Variants in SESN3 observed in about 807,000 individuals in gnomAD.
SESN3 encodes the protein sestrin-3.
In SESN3, 21 loss-of-function variants were observed where a neutral mutation model predicts 55.3. The ratio of observed to expected loss-of-function variants is 0.38; its 90% CI spans 0.27 to 0.55. The LOEUF is 0.55. Among genes scored for constraint, SESN3 ranks in the 20% least tolerant of loss-of-function variants. The pLI is 0.76. For synonymous variants in SESN3, 181 were observed against 203.1 expected (o/e 0.89, Z 0.93); for missense variants, 408 against 604.3 (o/e 0.68, Z 3.41).
At position 95,193,521 on chromosome 11, in the gene SESN3, T is replaced by C. The variant is rs1216869305; in HGVS notation, c.80A>G (p.Asp27Gly). 6 of 1,576,518 alleles carry C rather than the reference T, an allele frequency of 3.8e-6. No homozygotes were observed. The highest frequency in any genetic ancestry group is 5.2e-6 in the Non-Finnish European group (6 of 1,149,670). Reference sequence around the variant, plus strand: ...GGGTTGAGACACTCTGATTCTTTTATCCTATTTTTAAAAGAAAAGTTTTAT... The same window carrying C: ...GGGTTGAGACACTCTGATTCTTTTACCCTATTTTTAAAAGAAAAGTTTTAT... ...CTNCRKVLRK[D>G]KRIRVSQPLT... The change falls in exon 2 of 10, where the codon GAT (aspartate) becomes GGT (glycine). Residue 27 changes from aspartate to glycine, a missense_variant and splice_region_variant. Physicochemically the swap from Asp to Gly is moderately conservative, Grantham distance 94. This residue lies in a region of SESN3 where 61 missense variants were observed against 48.3 expected (regional missense o/e 1.26). Transcript: ENST00000536441.
chr11:95,184,639 T>G (rs747538431), intron 5 of SESN3, 45 bp from the exon 6 acceptor site: 10 of 1,554,096 alleles, frequency 6.4e-6, no homozygotes, highest in African/African-American at 2.7e-5. Flanking sequence ...ATACTAAAAG[T>G]GTTCCAGTAA....
chr11:95,178,808 T>C lies in SESN3; in HGVS notation c.958A>G (p.Ile320Val), dbSNP rs1192658140. Residue 320 changes from isoleucine (I) to valine (V), a missense_variant, in exon 7 of 10, where the codon ATA becomes GTA. Around this residue, in one of 4 missense-constraint regions of SESN3, gnomAD observed 119 missense variants for 139.9 expected, o/e 0.85. Coordinates refer to ENST00000536441, the MANE Select transcript of SESN3 (RefSeq NM_144665.4). ...PHSDFEDDMI[I>V]TSDVSRYIED... ...ATATATCGAGAGACATCAGATGTTA[T>C]AATCATGTCATCCTCAAAATCTAAG... is the stretch of plus-strand genomic sequence containing the variant. 34 of 1,602,884 alleles carry C rather than the reference T, an allele frequency of 2.1e-5. No homozygotes were observed. The highest frequency in any genetic ancestry group is 2.7e-5 in the African/African-American group (2 of 74,824).
At chr11:95,187,498 G>C (rs957068168) in intron 4 of SESN3, among the ~76,000 whole-genome samples, 2 of 151,750 alleles carry the variant, frequency 1.3e-5, no homozygotes, top group Non-Finnish European at 2.9e-5. Context: ...CTTCCAAATG[G>C]CCAAATTTGA....
chr11:95,219,500 A>C (rs1406439974), intron 1 of SESN3, among the ~76,000 whole-genome samples: 1 of 152,194 alleles, frequency 6.6e-6, no homozygotes, highest in Admixed American at 6.5e-5. Context: ...AGACAAAAAT[A>C]AATAATAACA....
chr11:95,195,848 A>G (rs917595133), intron 1 of SESN3, among the ~76,000 whole-genome samples: 22 of 152,224 alleles, frequency 1.4e-4, no homozygotes, highest in African/African-American at 5.1e-4. Context: ...TTTTATTTTC[A>G]TCGGCTGAGA....
At chr11:95,183,144 TACCTAAC>T (rs1177400714) in intron 6 of SESN3, among the ~76,000 whole-genome samples, 8 of 152,154 alleles carry the variant, frequency 5.3e-5, no homozygotes, top group Non-Finnish European at 8.8e-5. Flanking sequence ...AAAACCTTAG[TACCTAAC>T]ACCATGCTGA....
At position 95,230,757 on chromosome 11, in the gene SESN3, G is replaced by A. The variant is rs1185506885; in HGVS notation, c.78+26C>T. ...CGGCCGGCAGGAAGCGACCCTCGCCGGCAGGACCCCGGGCCGAACCCGTAC... is the reference window on the plus strand; with the variant it reads ...CGGCCGGCAGGAAGCGACCCTCGCCAGCAGGACCCCGGGCCGAACCCGTAC... On this transcript the variant is annotated intron_variant, in intron 1 of 9. Transcript: ENST00000536441. This position sits in a 1 kb window ranked among gnomAD's most constrained non-coding sequence, Gnocchi z 4.6. The A allele has an allele frequency of 6.3e-7, 1 of 1,590,042 alleles. No individual in the cohort carries two copies. Among genetic ancestry groups the A allele is most frequent in the Non-Finnish European group, 8.6e-7 (1 of 1,165,234 alleles).
intron 1 of SESN3, among the ~76,000 whole-genome samples, chr11:95,202,749 T>C (rs1448647201): frequency 1.3e-5 from 2 of 152,086 alleles, no homozygotes; most frequent in African/African-American, 4.8e-5. Flanking sequence ...CACTTAACTA[T>C]TGCTTCCTTA....
upstream of SESN3, chr11:95,231,897 G>T (rs1361176476): frequency 6.6e-6 from 1 of 152,166 alleles, no homozygotes; most frequent in African/African-American, 2.4e-5. Context: ...ATATATTTAC[G>T]CAAGTAATCG....
Position 95,219,721 on chromosome 11 carries a change from G to A in SESN3, c.78+11062C>T, listed in dbSNP as rs148723372. Among the ~76,000 whole-genome samples, 46 of 151,812 alleles carry A rather than the reference G, an allele frequency of 3.0e-4. 3 individuals carry two copies. Among genetic ancestry groups the A allele is most frequent in the African/African-American group, 2.4e-5 (1 of 41,402 alleles). ...TTTTCCTATTAGACACAGCACAACC[G>A]ACAAGCACATCCTTGGAGTAAACAT... On this transcript the variant is annotated intron_variant, in intron 1 of 9. Transcript: ENST00000536441.
chr11:95,223,307 C>T (rs1254675251), intron 1 of SESN3, among the ~76,000 whole-genome samples: 1 of 152,124 alleles, frequency 6.6e-6, no homozygotes, highest in African/African-American at 2.4e-5. Context: ...TTTCTTGTTC[C>T]TTCTGCTGCT....
intron 1 of SESN3, among the ~76,000 whole-genome samples, chr11:95,208,378 ACTTCAAATACAGCTGTTC>A (rs1302452456): frequency 2.0e-5 from 3 of 151,452 alleles, no homozygotes; most frequent in African/African-American, 7.3e-5. Flanking sequence ...TCATGACAGG[ACTTCAAATACAGCTGTTC>A]CTTCCCAAGA....
chr11:95,173,226 C>A lies in SESN3; in HGVS notation c.*29G>T, dbSNP rs746661727. ...TTATCTTATGTGAAAGGTCTTTACA[C>A]ATGTATGACATTTTCCTTGGGTGAT... is the stretch of plus-strand genomic sequence containing the variant. On this transcript the variant is annotated 3_prime_UTR_variant, in exon 10 of 10. Transcript: ENST00000536441. 2 of 1,366,710 alleles carry A rather than the reference C, an allele frequency of 1.5e-6. No homozygotes were observed. The highest frequency in any genetic ancestry group is 1.7e-5 in the Admixed American group (1 of 59,106). The allele number at this position is 1,366,710 out of a possible 1,614,324, so 84.7% of individuals were successfully genotyped here.
intron 1 of SESN3, among the ~76,000 whole-genome samples, chr11:95,212,482 TC>T (rs1860675070): frequency 6.6e-6 from 1 of 152,128 alleles, no homozygotes; most frequent in Non-Finnish European, 1.5e-5. Context: ...CTATTTCAGT[TC>T]CTAATAGATA....
intron 2 of SESN3, among the ~76,000 whole-genome samples, chr11:95,192,863 A>G (rs1400896380): frequency 1.3e-5 from 2 of 152,066 alleles, no homozygotes; most frequent in Non-Finnish European, 2.9e-5. Context: ...TAGAAGTAGA[A>G]TATTTGTTAT....
At chr11:95,223,821 C>A (rs1456669465) in intron 1 of SESN3, among the ~76,000 whole-genome samples, 3 of 151,998 alleles carry the variant, frequency 2.0e-5, no homozygotes, top group Non-Finnish European at 2.9e-5. Flanking sequence ...GTCCTGGAAC[C>A]CCTTCGCACT....
intron 8 of SESN3, among the ~76,000 whole-genome samples, chr11:95,176,347 C>T (rs1859955479): frequency 6.6e-6 from 1 of 152,036 alleles, no homozygotes; most frequent in South Asian, 2.1e-4. Context: ...AGGCAGTAGC[C>T]AGATGGAAAT....
At chr11:95,189,631 A>C in intron 4 of SESN3, 148 bp downstream of exon 4, 1 of 523,212 alleles carries the variant, frequency 1.9e-6, no homozygotes, top group Non-Finnish European at 3.3e-6. Context: ...AGAAGTATTC[A>C]TTTGTGCTTA....
In SESN3 at chr11:95,185,315, A is replaced by G. The variant is rs781683302; in HGVS notation, c.703T>C (p.Cys235Arg). Residue 235 changes from cysteine to arginine, a missense_variant, in exon 5 of 10, where the codon TGT becomes CGT. Transcript: ENST00000536441. ...RLISVNNFCV[C>R]DLANDNNIEN... ...ATGTTGTTGTCATTAGCAAGATCACAAACGCAGAAATTGTTGACTGATATT... is the reference window on the plus strand; with the variant it reads ...ATGTTGTTGTCATTAGCAAGATCACGAACGCAGAAATTGTTGACTGATATT... The G allele has an allele frequency of 6.2e-7, 1 of 1,612,810 alleles. No individual in the cohort carries two copies. Among genetic ancestry groups the G allele is most frequent in the Non-Finnish European group, 8.5e-7 (1 of 1,179,424 alleles).
Sources: gnomAD v4.1 joint callset for allele counts (sites outside exome capture counted in the v4.1 genomes callset) on GRCh38, gnomAD v4.1.1 for gene constraint, gnomAD v4.1.1 regional missense constraint, Gnocchi (gnomAD v3.1) non-coding constraint, MANE v1.5 for transcripts, NCBI Gene and HGNC (gene_info 2026-07-23, HGNC 2026-07-21) for gene names.